ZNF562: variants seen among roughly 807,000 people sequenced by gnomAD.
ZNF562 encodes the protein zinc finger protein 562.
Under a neutral mutation model 17.5 loss-of-function variants are expected in ZNF562, and 13 were observed. That is an observed-to-expected ratio of 0.74 (90% CI 0.48 to 1.18). ZNF562 has a LOEUF of 1.18. ZNF562 is among the 50% of genes most tolerant of loss of function. ZNF562 has a pLI of 0.00. For missense variants in ZNF562, 481 were observed against 498.5 expected (o/e 0.96, Z 0.33); for synonymous variants, 163 against 165.4 (o/e 0.99, Z 0.11).
chr19:9,661,211 A>G (rs2043721743), intron 1 of ZNF562, among the ~76,000 whole-genome samples: 2 of 152,144 alleles, frequency 1.3e-5, no homozygotes, highest in South Asian at 4.1e-4. Flanking sequence ...GTACAATGAC[A>G]CAACAACAGC....
intron 5 of ZNF562, among the ~76,000 whole-genome samples, chr19:9,655,643 G>A (rs1224347929): frequency 1.4e-5 from 2 of 143,170 alleles, no homozygotes; most frequent in East Asian, 4.8e-4. Context: ...TGGTCTCAAA[G>A]TGCTAACCTC....
chr19:9,653,506 T>G lies in ZNF562; in HGVS notation c.724A>C (p.Thr242Pro), dbSNP rs200817256. The change falls in exon 6 of 6, where the codon ACA becomes CCA. Residue 242 changes from threonine to proline, a missense_variant. Physicochemically the swap from Thr to Pro is conservative, Grantham distance 38 (BLOSUM62 -1). Transcript: ENST00000453372. The stretch of plus-strand genomic sequence containing the variant: ...CACTGCTTTAAGTGTGAGGAAGTTG[T>G]GATGGCTCTCTCACATTCCTGAAAT... ...CEFQECERAI[T>P]TSSHLKQCVA... The G allele has an allele frequency of 6.2e-6, 10 of 1,614,222 alleles. No individual in the cohort carries two copies. The East Asian group carries it at 2.0e-4, about 32-fold the overall frequency.
intron 1 of ZNF562, among the ~76,000 whole-genome samples, chr19:9,669,776 A>C (rs999127706): frequency 1.5e-4 from 21 of 143,080 alleles, no homozygotes; most frequent in African/African-American, 5.9e-4. Context: ...ACACACACAC[A>C]ACCAGTCAGG....
At chr19:9,674,846 G>C (rs1371070122) in intron 1 of ZNF562, 169 bp downstream of exon 1, 1 of 152,306 alleles carries the variant, frequency 6.6e-6, no homozygotes, top group Non-Finnish European at 1.5e-5. Flanking sequence ...GCAGCCAGAC[G>C]GACTGTGCGG....
intron 1 of ZNF562, among the ~76,000 whole-genome samples, chr19:9,661,937 T>A (rs2043761649): frequency 6.6e-6 from 1 of 152,100 alleles, no homozygotes; most frequent in Non-Finnish European, 1.5e-5. Flanking sequence ...ATTTTTTGCA[T>A]TTTTAGTAGA....
intron 5 of ZNF562, 90 bp from the exon 6 acceptor site, chr19:9,653,971 T>TATC: frequency 7.4e-7 from 1 of 1,358,536 alleles, no homozygotes; most frequent in Non-Finnish European, 9.6e-7. Context: ...TGATGACAAT[T>TATC]ATTTTACTTT....
intron 2 of ZNF562, among the ~76,000 whole-genome samples, chr19:9,660,269 T>A (rs10413011): frequency 6.6e-6 from 1 of 150,534 alleles, no homozygotes; most frequent in South Asian, 2.1e-4. Context: ...TCTCAAAAAA[T>A]AAATAAATAA....
chr19:9,673,013 C>T (rs1273254865), intron 1 of ZNF562, among the ~76,000 whole-genome samples: 1 of 151,972 alleles, frequency 6.6e-6, no homozygotes, highest in Admixed American at 6.6e-5. Context: ...TTCTCCATGC[C>T]TCCTTGCCTC....
In ZNF562 at chr19:9,647,449, T is replaced by G. The variant is rs2074816194; in HGVS notation, c.*5500A>C. The G allele has an allele frequency of 6.6e-6, 1 of 152,248 alleles. No homozygotes were observed. Among genetic ancestry groups the G allele is most frequent in the Non-Finnish European group, 1.5e-5 (1 of 68,092 alleles). 9.4% of individuals were successfully genotyped at this position (152,248 alleles called of 1,614,324 possible). On this transcript the variant is annotated 3_prime_UTR_variant, in exon 6 of 6. Transcript: ENST00000453372. ...GGGTCTGTGTTGCCCAGACTGATCTTGAACTCCTGGCCTCAAGGAATCCTT... is the reference window on the plus strand; with the variant it reads ...GGGTCTGTGTTGCCCAGACTGATCTGGAACTCCTGGCCTCAAGGAATCCTT...
rs1475423693 is a variant in ZNF562 at position 9,649,506 on chromosome 19, G to A, written c.*3443C>T. 1 of 152,192 alleles carries A rather than the reference G, an allele frequency of 6.6e-6. No individual in the cohort carries two copies. The highest frequency in any genetic ancestry group is 1.5e-5 in the Non-Finnish European group (1 of 68,028). The allele number at this position is 152,192 out of a possible 1,614,324, so 9.4% of individuals were successfully genotyped here. On this transcript the variant is annotated 3_prime_UTR_variant, in exon 6 of 6. Transcript: ENST00000453372. ...TTTTCTCAGCAAGGAACATCCTTGA[G>A]AAAGAGAATGCACACCTGGGAGTGG...
chr19:9,663,409 CAA>C lies in ZNF562; in HGVS notation c.-130-2537_-130-2536del, dbSNP rs548857529. 5.0e-3 allele frequency among the ~76,000 whole-genome samples: 499 copies of C among 100,352 alleles called. 4 individuals are homozygous for C. The highest frequency in any genetic ancestry group is 0.015 in the African/African-American group (448 of 29,632). 65.8% of individuals were successfully genotyped at this position (100,352 alleles called of 152,430 possible). On this transcript the variant is annotated intron_variant, in intron 1 of 5. Transcript: ENST00000453372. The stretch of plus-strand genomic sequence containing the variant: ...TGGGTGACAGAGCGAGACTCCATCT[CAA>C]AAAAAAAAAAAAAAGGAAAAAGAAA...
rs192739044 is a variant in ZNF562 at position 9,654,779 on chromosome 19, A to C, written c.349-898T>G. Among the ~76,000 whole-genome samples, 5 of 152,194 alleles carry C rather than the reference A, an allele frequency of 3.3e-5. No homozygotes were observed. The South Asian group carries it at 1.0e-3, about 32-fold the overall frequency. On this transcript the variant is annotated intron_variant, in intron 5 of 5. Coordinates refer to ENST00000453372, the MANE Select transcript of ZNF562 (RefSeq NM_001130031.2). ...ATTTTTATAGAGACAGGGTCTTGGT[A>C]TGTAGCCTAGGCTGGTCTCAAACTC...
At chr19:9,674,130 C>A (rs149314185) in intron 1 of ZNF562, among the ~76,000 whole-genome samples, 1 of 152,200 alleles carries the variant, frequency 6.6e-6, no homozygotes, top group East Asian at 1.9e-4. Flanking sequence ...AGGGTTAGAC[C>A]CCACAGGCTA....
At chr19:9,654,810 G>A (rs1458877679) in intron 5 of ZNF562, among the ~76,000 whole-genome samples, 1 of 152,034 alleles carries the variant, frequency 6.6e-6, no homozygotes, top group South Asian at 2.1e-4. Flanking sequence ...AACTCTACAA[G>A]AAACCCCCGT....
At chr19:9,668,865 G>T (rs1221905706) in intron 1 of ZNF562, among the ~76,000 whole-genome samples, 1 of 152,000 alleles carries the variant, frequency 6.6e-6, no homozygotes, top group East Asian at 1.9e-4. Flanking sequence ...AGCATACAAT[G>T]GGAAAATAAC....
intron 5 of ZNF562, among the ~76,000 whole-genome samples, chr19:9,655,717 C>CTTTCTTTTTTTTTTTTTTTT (rs2043447309): frequency 1.4e-4 from 7 of 48,670 alleles, no homozygotes; most frequent in African/African-American, 5.7e-4. Context: ...TCTTTTCTTT[C>CTTTCTTTTTTTTTTTTTTTT]TTTTTTTTTT....
In ZNF562 at chr19:9,645,506, G is replaced by A. The variant is rs2074800498; in HGVS notation, c.*7443C>T. On this transcript the variant is annotated 3_prime_UTR_variant, in exon 6 of 6. Coordinates refer to ENST00000453372, the MANE Select transcript of ZNF562 (RefSeq NM_001130031.2). ...CAAAAATTACTAGCTGAAAACAGCAGCTACTTAATTAGCAGAAGCCTCTTG... is the reference window on the plus strand; with the variant it reads ...CAAAAATTACTAGCTGAAAACAGCAACTACTTAATTAGCAGAAGCCTCTTG... The A allele has an allele frequency of 6.6e-6, 1 of 152,216 alleles. No homozygotes were observed. The highest frequency in any genetic ancestry group is 2.4e-5 in the African/African-American group (1 of 41,448). The allele number at this position is 152,216 out of a possible 1,614,324, so 9.4% of individuals were successfully genotyped here.
At chr19:9,669,235 A>G (rs1038116253) in intron 1 of ZNF562, among the ~76,000 whole-genome samples, 17 of 152,196 alleles carry the variant, frequency 1.1e-4, no homozygotes, top group Non-Finnish European at 2.1e-4. Context: ...TAATCAGAAT[A>G]TATAAGGAAC....
At chr19:9,661,100 T>C (rs2043718023) in intron 1 of ZNF562, among the ~76,000 whole-genome samples, 3 of 152,186 alleles carry the variant, frequency 2.0e-5, no homozygotes, top group Non-Finnish European at 2.9e-5. Context: ...TTAATTATCA[T>C]AACCATCCTT....
Sources: allele counts gnomAD v4.1 joint callset (sites outside exome capture counted in the v4.1 genomes callset), GRCh38; gene constraint gnomAD v4.1.1; transcripts MANE v1.5; gene names NCBI Gene and HGNC (gene_info 2026-07-23, HGNC 2026-07-21).